RADIL: variants seen among roughly 807,000 people sequenced by gnomAD.
RADIL encodes ras-associating and dilute domain-containing protein.
A neutral mutation model predicts 97.6 loss-of-function variants in RADIL; 99 were observed. That is an observed-to-expected ratio of 1.01 (90% CI 0.86 to 1.20). RADIL has a LOEUF of 1.20. Among genes scored for constraint, RADIL ranks in the 50% most tolerant of loss-of-function variants. The pLI, the probability that RADIL is intolerant of heterozygous loss-of-function variation, is 0.00. For missense variants in RADIL, 1,765 were observed against 1,498.9 expected (o/e 1.18, Z -2.93); for synonymous variants, 803 against 691.8 (o/e 1.16, Z -2.52).
rs1354004657 is a variant in RADIL, at chr7:4,824,893, T to C, written c.1455-2339A>G. On this transcript the variant is annotated intron_variant, in intron 5 of 14. Transcript: ENST00000399583. The surrounding 1 kb of genome is among the most constrained non-coding windows in gnomAD (Gnocchi z 6.7). ...CTCAATTTCACCGGAACCCGGAGGG[T>C]AGACAGGCCTGTCCCAGGAAACAAG... Among the ~76,000 whole-genome samples the C allele has an allele frequency of 1.3e-5, 2 of 152,042 alleles. No homozygotes were observed. The highest frequency in any genetic ancestry group is 2.4e-5 in the African/African-American group (1 of 41,380).
In RADIL at chr7:4,815,385, G is replaced by C; in HGVS notation, c.2032C>G (p.Leu678Val). Reference protein sequence around the residue: ...VQACARLQQLLEWMRSAGFGA... With the variant: ...VQACARLQQLVEWMRSAGFGA... ...AAGCCGGCGCTCCGCATCCACTCCAGGAGCTGCTGCAGGCGGGCGCAGGCC... is the reference window on the plus strand; with the variant it reads ...AAGCCGGCGCTCCGCATCCACTCCACGAGCTGCTGCAGGCGGGCGCAGGCC... Residue 678 changes from leucine (L) to valine (V), a missense_variant, in exon 9 of 15, where the codon CTG becomes GTG. Physicochemically the swap from Leu to Val is conservative, Grantham distance 32. Coordinates refer to ENST00000399583, the MANE Select transcript of RADIL (RefSeq NM_018059.5). The surrounding 1 kb of genome is among the most constrained non-coding windows in gnomAD (Gnocchi z 8.0). 6.4e-7 allele frequency: 1 copy of C among 1,565,284 alleles called. No homozygotes were observed. Among genetic ancestry groups the C allele is most frequent in the African/African-American group, 1.3e-5 (1 of 74,508 alleles).
intron 9 of RADIL, among the ~76,000 whole-genome samples, chr7:4,810,474 C>T (rs768406823): frequency 2.0e-5 from 3 of 152,192 alleles, no homozygotes; most frequent in East Asian, 3.9e-4. Context: ...CTCCCAGGAA[C>T]GAGTTTGCTC....
intron 10 of RADIL, chr7:4,805,354 C>T (rs1562427452): frequency 3.9e-6 from 2 of 513,340 alleles, no homozygotes; most frequent in Non-Finnish European, 6.4e-6. Context: ...CTCTCGGCTC[C>T]TTGACTCCCC....
At position 4,821,998 on chromosome 7, in the gene RADIL, T is replaced by C. The variant is rs772238469; in HGVS notation, c.1615+396A>G. Among the ~76,000 whole-genome samples, 35 of 152,142 alleles carry C rather than the reference T, an allele frequency of 2.3e-4. No individual in the cohort carries two copies. Among genetic ancestry groups the C allele is most frequent in the South Asian group, 6.2e-4 (3 of 4,824 alleles). Reference sequence around the variant, plus strand: ...TGTCTCAGAACGGGCGGCGGTCTCATGGCCGACGCTCTCTCTACCGCCCCT... The same window carrying C: ...TGTCTCAGAACGGGCGGCGGTCTCACGGCCGACGCTCTCTCTACCGCCCCT... On this transcript the variant is annotated intron_variant, in intron 6 of 14. Coordinates refer to ENST00000399583, the MANE Select transcript of RADIL (RefSeq NM_018059.5). This position sits in a 1 kb window ranked among gnomAD's most constrained non-coding sequence, Gnocchi z 5.2.
At chr7:4,802,351 C>T (rs1274682370) in intron 11 of RADIL, among the ~76,000 whole-genome samples, 5 of 144,152 alleles carry the variant, frequency 3.5e-5, no homozygotes, top group African/African-American at 7.5e-5. Context: ...CCGGGTACCT[C>T]GGGGCACGCT....
In RADIL at chr7:4,833,282, AG is replaced by A. The variant is rs1429052247; in HGVS notation, c.1417-1105del. Among the ~76,000 whole-genome samples, 4 of 152,344 alleles carry A rather than the reference AG, an allele frequency of 2.6e-5. No individual in the cohort carries two copies. The East Asian group carries it at 7.7e-4, about 29-fold the overall frequency. On this transcript the variant is annotated intron_variant, in intron 4 of 14. Coordinates refer to ENST00000399583, the MANE Select transcript of RADIL (RefSeq NM_018059.5). ...GAAATTAAACAGCGTTTGGTTTGCAAGTAAGTGCCTGGCGCAGAGGAGACTC... is the reference window on the plus strand; with the variant it reads ...GAAATTAAACAGCGTTTGGTTTGCAATAAGTGCCTGGCGCAGAGGAGACTC...
In RADIL at chr7:4,845,273, A is replaced by G. The variant is rs373881639; in HGVS notation, c.536-8668T>C. Reference sequence around the variant, plus strand: ...CAAATCCACAAAAATAAAAAGATGAACCAGATGTGGTGGGACACGTCTTAG... The same window carrying G: ...CAAATCCACAAAAATAAAAAGATGAGCCAGATGTGGTGGGACACGTCTTAG... On this transcript the variant is annotated intron_variant, in intron 2 of 14. Coordinates refer to ENST00000399583, the MANE Select transcript of RADIL (RefSeq NM_018059.5). Among the ~76,000 whole-genome samples, 15 of 152,128 alleles carry G rather than the reference A, an allele frequency of 9.9e-5. 1 individual carries two copies. Among genetic ancestry groups the G allele is most frequent in the African/African-American group, 2.7e-4 (11 of 41,498 alleles).
At chr7:4,863,372 T>G (rs141744037) in intron 2 of RADIL, among the ~76,000 whole-genome samples, 560 of 152,334 alleles carry the variant, frequency 3.7e-3, no homozygotes, top group Non-Finnish European at 6.5e-3. Context: ...CTTGAGAAAC[T>G]GTATAGTTTG....
At chr7:4,800,420 T>C (rs1285725001) in intron 12 of RADIL, 110 bp from the exon 13 acceptor site, 22 of 1,169,410 alleles carry the variant, frequency 1.9e-5, no homozygotes, top group Non-Finnish European at 2.5e-5. Context: ...TGGGATGGCC[T>C]CCTGTGGCTC....
chr7:4,812,396 T>C (rs893540307), intron 9 of RADIL, among the ~76,000 whole-genome samples: 3 of 151,990 alleles, frequency 2.0e-5, no homozygotes, highest in Non-Finnish European at 4.4e-5. Context: ...AATTGTGTTT[T>C]CTCCCTTATT....
At chr7:4,856,405 C>G (rs189186878) in intron 2 of RADIL, among the ~76,000 whole-genome samples, 1 of 152,224 alleles carries the variant, frequency 6.6e-6, no homozygotes, top group East Asian at 1.9e-4. Context: ...CTACCGCACC[C>G]GGCCTGTTGA....
At chr7:4,809,501 AAACAAG>A in intron 9 of RADIL, 1 of 985,352 alleles carries the variant, frequency 1.0e-6, no homozygotes, top group Non-Finnish European at 1.2e-6. Context: ...CCAGCCCCCA[AAACAAG>A]AACAAGAACG....
intron 2 of RADIL, among the ~76,000 whole-genome samples, chr7:4,855,621 A>G (rs1212214119): frequency 2.8e-5 from 2 of 72,178 alleles, no homozygotes; most frequent in Admixed American, 1.1e-4. Flanking sequence ...TTATTTTTGT[A>G]AAAAAAAAAA....
At chr7:4,874,660 ACT>A (rs1463191345) in intron 2 of RADIL, among the ~76,000 whole-genome samples, 1 of 152,018 alleles carries the variant, frequency 6.6e-6, no homozygotes, top group Non-Finnish European at 1.5e-5. Context: ...AGCCTGATGG[ACT>A]CTCTTTGGCA....
At chr7:4,847,387 G>A (rs1340015418) in intron 2 of RADIL, among the ~76,000 whole-genome samples, 1 of 152,102 alleles carries the variant, frequency 6.6e-6, no homozygotes, top group Admixed American at 6.5e-5. Flanking sequence ...CCTCATACAC[G>A]ATTGCTGGAA....
At position 4,832,127 on chromosome 7, in the gene RADIL, C is replaced by G. The variant is rs375398645; in HGVS notation, c.1454+14G>C. On this transcript the variant is annotated intron_variant, in intron 5 of 14. Transcript: ENST00000399583. ...GCTGCCCAGAGGCGGGCACAATAAC[C>G]GGGTCATACTCACAGTTGCGCCTGC... 2 of 1,605,840 alleles carry G rather than the reference C, an allele frequency of 1.2e-6. No homozygotes were observed. Among genetic ancestry groups the G allele is most frequent in the Admixed American group, 1.7e-5 (1 of 59,512 alleles).
In RADIL at chr7:4,835,034, G is replaced by C. The variant is rs966207044; in HGVS notation, c.989C>G (p.Ser330Cys). Reference protein sequence around the residue: ...IPGAHISVNFSEVGHRTVVLH... With the variant: ...IPGAHISVNFCEVGHRTVVLH... ...CACCACGGTCCTGTGCCCCACCTCG[G>C]AGAAGTTGACGGAGATGTGCGCCCC... Residue 330 changes from serine (S) to cysteine (C), a missense_variant, in exon 4 of 15, where the codon TCC (serine) becomes TGC (cysteine). Ser to Cys is a moderately radical substitution (Grantham distance 112). Coordinates refer to ENST00000399583, the MANE Select transcript of RADIL (RefSeq NM_018059.5). This position sits in a 1 kb window ranked among gnomAD's most constrained non-coding sequence, Gnocchi z 5.8. 2 of 1,610,690 alleles carry C rather than the reference G, an allele frequency of 1.2e-6. No homozygotes were observed. Among genetic ancestry groups the C allele is most frequent in the Non-Finnish European group, 1.7e-6 (2 of 1,178,986 alleles).
chr7:4,837,130 C>A lies in RADIL; in HGVS notation c.536-525G>T, dbSNP rs1231763391. ...TGCCTTGGCACCACCGTGGCACCCA[C>A]AGAACAGTCTCAGAGCAGGCAGCCT... On this transcript the variant is annotated intron_variant, in intron 2 of 14. Coordinates refer to ENST00000399583, the MANE Select transcript of RADIL (RefSeq NM_018059.5). The surrounding 1 kb of genome is among the most constrained non-coding windows in gnomAD (Gnocchi z 5.6). 6.6e-6 allele frequency among the ~76,000 whole-genome samples: 1 copy of A among 152,208 alleles called. No individual in the cohort carries two copies. The highest frequency in any genetic ancestry group is 1.5e-5 in the Non-Finnish European group (1 of 68,032).
At chr7:4,848,468 G>A (rs1783630409) in intron 2 of RADIL, among the ~76,000 whole-genome samples, 2 of 152,074 alleles carry the variant, frequency 1.3e-5, no homozygotes, top group South Asian at 2.1e-4. Context: ...GAATATATCT[G>A]AACATCTTAA....
Sources: gnomAD v4.1 joint callset for allele counts (sites outside exome capture counted in the v4.1 genomes callset) on GRCh38, gnomAD v4.1.1 for gene constraint, Gnocchi (gnomAD v3.1) non-coding constraint, MANE v1.5 for transcripts, NCBI Gene and HGNC (gene_info 2026-07-23, HGNC 2026-07-21) for gene names.